Variants in PKIB observed in about 807,000 individuals in gnomAD.
PKIB encodes PKI-beta.
Under a neutral mutation model 4.5 loss-of-function variants are expected in PKIB, and 2 were observed. The ratio of observed to expected loss-of-function variants is 0.44; its 90% CI spans 0.18 to 1.39. PKIB has a LOEUF of 1.39. PKIB is among the 40% of genes most tolerant of loss of function. The pLI is 0.27. For synonymous variants in PKIB, 38 were observed against 36.0 expected, an observed-to-expected ratio of 1.06 and a Z score of -0.20; for missense variants, 94 against 92.6, an observed-to-expected ratio of 1.02 and a Z score of -0.06.
At chr6:122,546,409 G>T (rs1352897666) in intron 2 of PKIB, among the ~76,000 whole-genome samples, 1 of 150,882 alleles carries the variant, frequency 6.6e-6, no homozygotes, top group African/African-American at 2.4e-5. Context: ...AGGTTGGGGG[G>T]TGGAGGTGCG....
chr6:122,671,034 C>G (rs983352491), intron 2 of PKIB, among the ~76,000 whole-genome samples: 1 of 152,200 alleles, frequency 6.6e-6, no homozygotes, highest in Admixed American at 6.5e-5. Context: ...TGGCTCACGC[C>G]TGTAATCCCA....
chr6:122,544,472 A>G (rs1446533375), intron 2 of PKIB, among the ~76,000 whole-genome samples: 2 of 152,092 alleles, frequency 1.3e-5, no homozygotes. Flanking sequence ...TCTCCCAAAT[A>G]GCCAGTGTCT....
chr6:122,629,306 A>G (rs1049878218), intron 1 of PKIB, among the ~76,000 whole-genome samples: 1 of 152,212 alleles, frequency 6.6e-6, no homozygotes, highest in Non-Finnish European at 1.5e-5. Context: ...CGCCAACTGA[A>G]AGAGCTAATG....
chr6:122,553,889 A>G (rs1772762759), intron 2 of PKIB, among the ~76,000 whole-genome samples: 2 of 152,160 alleles, frequency 1.3e-5, no homozygotes, highest in African/African-American at 4.8e-5. Context: ...TGCTATTTCA[A>G]AGCAGCTGTC....
chr6:122,521,616 C>T (rs1409677119), intron 2 of PKIB, among the ~76,000 whole-genome samples: 1 of 151,906 alleles, frequency 6.6e-6, no homozygotes, highest in Non-Finnish European at 1.5e-5. Flanking sequence ...GGAGGCGGAG[C>T]TTGCAGTGAG....
At chr6:122,551,433 C>T (rs1456080080) in intron 2 of PKIB, among the ~76,000 whole-genome samples, 1 of 152,068 alleles carries the variant, frequency 6.6e-6, no homozygotes, top group Non-Finnish European at 1.5e-5. Context: ...TTCTAAACAT[C>T]TCTTTTTATC....
intron 4 of PKIB, among the ~76,000 whole-genome samples, chr6:122,722,480 A>T (rs994302190): frequency 6.6e-6 from 1 of 152,178 alleles, no homozygotes; most frequent in African/African-American, 2.4e-5. Flanking sequence ...TCTTCTGCTC[A>T]TTAGACCAAC....
At chr6:122,519,630 CACTA>C (rs1414095156) in intron 2 of PKIB, among the ~76,000 whole-genome samples, 6 of 152,266 alleles carry the variant, frequency 3.9e-5, no homozygotes, top group African/African-American at 1.4e-4. Flanking sequence ...ACATAGCCCT[CACTA>C]ACTAATAAAC....
At chr6:122,532,446 A>G (rs929428622) in intron 2 of PKIB, among the ~76,000 whole-genome samples, 1 of 152,214 alleles carries the variant, frequency 6.6e-6, no homozygotes, top group African/African-American at 2.4e-5. Context: ...CATTAGGTGC[A>G]TTAACATTGT....
chr6:122,482,186 T>G (rs1295201270), intron 2 of PKIB: 1 of 152,230 alleles, frequency 6.6e-6, no homozygotes, highest in Non-Finnish European at 1.5e-5. Context: ...GGTCTTGATC[T>G]CCTGACCTCG....
intron 3 of PKIB, among the ~76,000 whole-genome samples, chr6:122,703,228 T>TA (rs1778906267): frequency 6.6e-6 from 1 of 152,208 alleles, no homozygotes; most frequent in Non-Finnish European, 1.5e-5. Flanking sequence ...TTACTATTTG[T>TA]AAAAAATTTT....
intron 2 of PKIB, among the ~76,000 whole-genome samples, chr6:122,660,562 G>A (rs1776946242): frequency 6.6e-6 from 1 of 152,074 alleles, no homozygotes; most frequent in African/African-American, 2.4e-5. Flanking sequence ...TGTAATCACT[G>A]GAAAGTTTAC....
intron 2 of PKIB, chr6:122,481,527 A>G (rs1775608361): frequency 1.3e-5 from 2 of 152,190 alleles, no homozygotes; most frequent in South Asian, 4.1e-4. Flanking sequence ...ATCATATCAA[A>G]ACTGATTTTC....
intron 2 of PKIB, among the ~76,000 whole-genome samples, chr6:122,645,523 T>G (rs1339296717): frequency 6.6e-6 from 1 of 152,106 alleles, no homozygotes; most frequent in Non-Finnish European, 1.5e-5. Flanking sequence ...GGTGGGTGGG[T>G]TGTGGTGACA....
At chr6:122,620,105 C>T (rs1582745133) in intron 1 of PKIB, among the ~76,000 whole-genome samples, 1 of 152,138 alleles carries the variant, frequency 6.6e-6, no homozygotes, top group East Asian at 1.9e-4. Context: ...TTTCCACCCT[C>T]TTATACTCAC....
intron 3 of PKIB, among the ~76,000 whole-genome samples, chr6:122,682,774 T>C (rs1777950718): frequency 6.6e-6 from 1 of 152,204 alleles, no homozygotes; most frequent in Non-Finnish European, 1.5e-5. Context: ...CAGTTCTCTC[T>C]GGTCCACGTC....
intron 3 of PKIB, among the ~76,000 whole-genome samples, chr6:122,715,570 A>G (rs1311812136): frequency 1.3e-5 from 2 of 151,854 alleles, no homozygotes; most frequent in Non-Finnish European, 2.9e-5. Context: ...GTGAAAAGAC[A>G]GGGAACCAAT....
At chr6:122,652,330 GTGTGGA>G (rs769527032) in intron 2 of PKIB, among the ~76,000 whole-genome samples, 4,037 of 56,476 alleles carry the variant, frequency 0.071, 222 homozygotes, top group Admixed American at 0.3. Flanking sequence ...GTGTGTGTGT[GTGTGGA>G]GAGAGAGAGA....
chr6:122,472,272 C>T (rs1334941804), intron 1 of PKIB, among the ~76,000 whole-genome samples: 1 of 152,252 alleles, frequency 6.6e-6, no homozygotes, highest in Non-Finnish European at 1.5e-5. Context: ...ATTCCTGCAG[C>T]CCGCTGCCCG....
Sources: gnomAD v4.1 joint callset for allele counts (sites outside exome capture counted in the v4.1 genomes callset) on GRCh38, gnomAD v4.1.1 for gene constraint, MANE v1.5 for transcripts, NCBI Gene and HGNC (gene_info 2026-07-23, HGNC 2026-07-21) for gene names.